FGL1: variants seen among roughly 807,000 people sequenced by gnomAD.
The protein encoded by FGL1 is fibrinogen-like protein 1.
Under a neutral mutation model 43.7 loss-of-function variants are expected in FGL1, and 59 were observed. The observed-to-expected ratio is 1.35, with a 90% confidence interval of 1.10 to 1.68. The LOEUF (loss-of-function observed/expected upper bound fraction) is 1.68, where lower values mean the gene tolerates loss of function less well. FGL1 is among the 40% of genes most tolerant of loss of function. FGL1 has a pLI of 0.00. For missense variants in FGL1, 596 were observed against 373.0 expected, an observed-to-expected ratio of 1.60 and a Z score of -4.92; for synonymous variants, 192 against 126.5, an observed-to-expected ratio of 1.52 and a Z score of -3.48.
rs34911801 is a variant in FGL1, at chr8:17,890,798, G to T, written c.-18+4649C>A. 5.4e-3 allele frequency among the ~76,000 whole-genome samples: 829 copies of T among 152,222 alleles called. 5 individuals carry two copies. Among genetic ancestry groups the T allele is most frequent in the African/African-American group, 0.018 (750 of 41,548 alleles). Reference sequence around the variant, plus strand: ...TCACATGATGGCAGGAAGGGGAAGAGCCAAGCAAAAGCCCCTTATAAAACC... The same window carrying T: ...TCACATGATGGCAGGAAGGGGAAGATCCAAGCAAAAGCCCCTTATAAAACC... On this transcript the variant is annotated intron_variant, in intron 1 of 7. Coordinates refer to ENST00000427924, the MANE Select transcript of FGL1 (RefSeq NM_004467.4).
intron 1 of FGL1, among the ~76,000 whole-genome samples, chr8:17,894,417 T>G (rs556798858): frequency 4.1e-5 from 6 of 147,196 alleles, no homozygotes; most frequent in Non-Finnish European, 5.9e-5. Flanking sequence ...TTCCTCTTTC[T>G]GAAAATGGAA....
intron 3 of FGL1, among the ~76,000 whole-genome samples, chr8:17,875,528 T>C (rs759051045): frequency 7.5e-3 from 91 of 12,192 alleles, no homozygotes; most frequent in African/African-American, 0.015. Context: ...TCTTTCTTTC[T>C]TTCTTTCTCT....
intron 5 of FGL1, among the ~76,000 whole-genome samples, chr8:17,870,614 AGGG>A (rs1431331513): frequency 6.6e-6 from 1 of 152,120 alleles, no homozygotes; most frequent in Non-Finnish European, 1.5e-5. Context: ...ACTTATAGCA[AGGG>A]GCTTTGGATC....
Position 17,882,059 on chromosome 8 carries a change from A to C in FGL1, c.184T>G (p.Phe62Val), listed in dbSNP as rs778831512. The C allele has an allele frequency of 2.5e-6, 4 of 1,614,054 alleles. No homozygotes were observed. In the East Asian group the frequency reaches 6.7e-5, roughly 27 times the overall value. The change falls in exon 3 of 8, where the codon TTC (phenylalanine) becomes GTC (valine). Residue 62 changes from phenylalanine (F) to valine (V), a missense_variant. Coordinates refer to ENST00000427924, the MANE Select transcript of FGL1 (RefSeq NM_004467.4). ...KQLLQENEVQFLDKGDENTVI... is the reference protein window; with the variant it reads ...KQLLQENEVQVLDKGDENTVI... ...GTATTCTCATCTCCTTTATCAAGGA[A>C]CTGGACTTCATTCTCCTGCAAAAGC...
rs905104360 is a variant in FGL1, at chr8:17,894,670, G to C, written c.-18+777C>G. Among the ~76,000 whole-genome samples the C allele has an allele frequency of 1.5e-4, 22 of 146,394 alleles. 1 individual carries two copies. Among genetic ancestry groups the C allele is most frequent in the Non-Finnish European group, 2.8e-4 (19 of 67,698 alleles). ...CAAAATGTAAAGGAAATTATACAAA[G>C]TGAGACTCCATCTCAAAAAACCAAC... is the stretch of plus-strand genomic sequence containing the variant. On this transcript the variant is annotated intron_variant, in intron 1 of 7. Coordinates refer to ENST00000427924, the MANE Select transcript of FGL1 (RefSeq NM_004467.4).
chr8:17,889,414 G>A (rs2053675306), intron 1 of FGL1, among the ~76,000 whole-genome samples: 1 of 152,120 alleles, frequency 6.6e-6, no homozygotes, highest in South Asian at 2.1e-4. Context: ...GCCAGGTGTG[G>A]TGGTGCACAC....
intron 1 of FGL1, among the ~76,000 whole-genome samples, chr8:17,889,297 C>T (rs1314549207): frequency 1.3e-5 from 2 of 152,338 alleles, no homozygotes; most frequent in African/African-American, 2.4e-5. Context: ...CGCCTGTAAT[C>T]TCAGCACTTT....
chr8:17,886,766 C>G (rs140546645), intron 1 of FGL1, among the ~76,000 whole-genome samples: 3 of 129,904 alleles, frequency 2.3e-5, no homozygotes, highest in East Asian at 4.2e-4. Context: ...TAGAAAGAAA[C>G]GAAATGAGAG....
At chr8:17,879,171 A>G (rs1208054168) in intron 3 of FGL1, among the ~76,000 whole-genome samples, 1 of 151,790 alleles carries the variant, frequency 6.6e-6, no homozygotes. Flanking sequence ...CTGTCTTATT[A>G]TTATAACAGT....
At chr8:17,867,257 C>T (rs1023211965) in intron 7 of FGL1, among the ~76,000 whole-genome samples, 2 of 151,936 alleles carry the variant, frequency 1.3e-5, no homozygotes, top group Admixed American at 6.6e-5. Flanking sequence ...AAGTGAGTAA[C>T]GAGCAGATAA....
upstream of FGL1, chr8:17,895,533 G>C (rs940407223): frequency 6.2e-6 from 8 of 1,286,184 alleles, no homozygotes; most frequent in African/African-American, 1.2e-4. Flanking sequence ...TTGGGAATTT[G>C]TAATTATTTC....
intron 3 of FGL1, among the ~76,000 whole-genome samples, chr8:17,877,401 T>G (rs575595793): frequency 5.5e-4 from 84 of 152,310 alleles, no homozygotes; most frequent in Admixed American, 4.6e-3. Flanking sequence ...TTTAAGCTCA[T>G]AAAGTGACAT....
chr8:17,876,874 T>C (rs2053464665), intron 3 of FGL1, among the ~76,000 whole-genome samples: 1 of 152,254 alleles, frequency 6.6e-6, no homozygotes, highest in East Asian at 1.9e-4. Flanking sequence ...GAGTTTGTTA[T>C]TTCTTTGGTC....
intron 1 of FGL1, chr8:17,885,780 A>G (rs1403657549): frequency 2.0e-6 from 1 of 503,024 alleles, no homozygotes; most frequent in African/African-American, 2.0e-5. Context: ...GTTTCATCAC[A>G]AAAACAGAGG....
intron 3 of FGL1, 47 bp from the exon 4 acceptor site, chr8:17,874,568 TCC>T: frequency 6.6e-7 from 1 of 1,514,962 alleles, no homozygotes; most frequent in Non-Finnish European, 9.0e-7. Flanking sequence ...TGTCTTTTTC[TCC>T]CCCCGCCTTA....
intron 1 of FGL1, among the ~76,000 whole-genome samples, chr8:17,888,578 C>T (rs879663085): frequency 4.6e-5 from 7 of 152,100 alleles, no homozygotes; most frequent in Non-Finnish European, 7.4e-5. Flanking sequence ...ATTTTCATTC[C>T]GATCCTGGGG....
chr8:17,870,460 G>T (rs533305230), intron 5 of FGL1, among the ~76,000 whole-genome samples: 9 of 152,262 alleles, frequency 5.9e-5, no homozygotes, highest in African/African-American at 2.2e-4. Context: ...GACCTGTAAG[G>T]TCGGGTTAGA....
At chr8:17,891,557 G>C (rs1384346284) in intron 1 of FGL1, 8 of 373,176 alleles carry the variant, frequency 2.1e-5, no homozygotes, top group Non-Finnish European at 3.0e-5. Context: ...GACCCTATTT[G>C]CAAATGAGAT....
intron 2 of FGL1, among the ~76,000 whole-genome samples, chr8:17,883,514 A>T (rs1318684820): frequency 7.7e-6 from 1 of 129,810 alleles, no homozygotes; most frequent in Non-Finnish European, 1.5e-5. Flanking sequence ...TATATATAAT[A>T]TAATGTAATA....
Sources: gnomAD v4.1 joint callset for allele counts (sites outside exome capture counted in the v4.1 genomes callset) on GRCh38, gnomAD v4.1.1 for gene constraint, MANE v1.5 for transcripts, NCBI Gene and HGNC (gene_info 2026-07-23, HGNC 2026-07-21) for gene names.